ATP10B: variants seen among roughly 807,000 people sequenced by gnomAD.
ATP10B encodes phospholipid-transporting ATPase VB.
In ATP10B, 122 loss-of-function variants were observed where a neutral mutation model predicts 141.2. That is an observed-to-expected ratio of 0.86 (90% CI 0.75 to 1.00). ATP10B has a LOEUF of 1.00. ATP10B is among the 50% of genes least tolerant of loss of function. ATP10B has a pLI of 0.00. For synonymous variants in ATP10B, 685 were observed against 692.0 expected (o/e 0.99, Z 0.16); for missense variants, 1,876 against 1,825.3 (o/e 1.03, Z -0.51).
the ATP10B span, among the ~76,000 whole-genome samples, chr5:160,885,771 T>C: frequency 6.6e-6 from 1 of 152,190 alleles, no homozygotes; most frequent in Admixed American, 6.5e-5. Flanking sequence ...TCATAAGCTA[T>C]TGAAGAAAAT....
chr5:160,581,726 T>A (rs746545154), intron 24 of ATP10B, among the ~76,000 whole-genome samples: 3 of 152,232 alleles, frequency 2.0e-5, no homozygotes, highest in Non-Finnish European at 4.4e-5. Flanking sequence ...GTCTTGTTGA[T>A]CTGTCTACTA....
At chr5:160,864,575 G>A in the ATP10B span, among the ~76,000 whole-genome samples, 1 of 151,468 alleles carries the variant, frequency 6.6e-6, no homozygotes, top group Non-Finnish European at 1.5e-5. Context: ...TCTAGACAGA[G>A]CAATCAGACA....
chr5:160,612,373 G>C lies in ATP10B; in HGVS notation c.2838+368C>G, dbSNP rs181774545. The C allele has an allele frequency of 2.3e-3, 379 of 165,454 alleles. 1 individual carries two copies. Among genetic ancestry groups the C allele is most frequent in the Non-Finnish European group, 4.0e-3 (309 of 76,446 alleles). The allele number at this position is 165,454 out of a possible 1,614,324, so 10.2% of individuals were successfully genotyped here. Reference sequence around the variant, plus strand: ...TAGCACTAGCTCAGTTCTAGACTTAGTTCTACCTATCAGAAATAAGCAGGG... The same window carrying C: ...TAGCACTAGCTCAGTTCTAGACTTACTTCTACCTATCAGAAATAAGCAGGG... On this transcript the variant is annotated intron_variant, in intron 18 of 25. Transcript: ENST00000327245.
Position 160,665,884 on chromosome 5 carries a change from G to A in ATP10B, c.675+4579C>T, listed in dbSNP as rs555465857. On this transcript the variant is annotated intron_variant, in intron 7 of 25. Transcript: ENST00000327245. ...CAAAGACAGTAGGGACTTAGAGGGA[G>A]AATAAACTATCAAGAGCCATTAATA... Among the ~76,000 whole-genome samples the A allele has an allele frequency of 2.5e-3, 373 of 152,214 alleles. 1 individual carries two copies. Among genetic ancestry groups the A allele is most frequent in the African/African-American group, 8.7e-3 (362 of 41,528 alleles).
chr5:160,585,665 T>A (rs548812382), intron 24 of ATP10B, among the ~76,000 whole-genome samples: 1 of 152,296 alleles, frequency 6.6e-6, no homozygotes, highest in Admixed American at 6.5e-5. Flanking sequence ...ATCTTTTCTT[T>A]AGATTTCTTT....
chr5:160,569,965 C>T (rs190328619), intron 24 of ATP10B, among the ~76,000 whole-genome samples: 151 of 152,244 alleles, frequency 9.9e-4, no homozygotes, highest in Non-Finnish European at 1.8e-3. Context: ...TCTAGGTTTT[C>T]CAACATAGCC....
At chr5:160,594,233 T>G (rs1756523349) in intron 22 of ATP10B, among the ~76,000 whole-genome samples, 1 of 152,178 alleles carries the variant, frequency 6.6e-6, no homozygotes, top group African/African-American at 2.4e-5. Flanking sequence ...GGGCCAATAT[T>G]CAACATTCTT....
intron 2 of ATP10B, among the ~76,000 whole-genome samples, chr5:160,768,394 C>T (rs1769640698): frequency 6.6e-6 from 1 of 152,088 alleles, no homozygotes; most frequent in African/African-American, 2.4e-5. Flanking sequence ...GTCCAAAATC[C>T]ATGCTGTTAA....
At chr5:160,595,459 C>A (rs984705358) in intron 22 of ATP10B, among the ~76,000 whole-genome samples, 32 of 151,588 alleles carry the variant, frequency 2.1e-4, no homozygotes, top group Admixed American at 4.0e-4. Context: ...AAAATTGACA[C>A]CCTAACATCA....
chr5:160,774,686 G>C (rs944738894), intron 2 of ATP10B, among the ~76,000 whole-genome samples: 2 of 152,166 alleles, frequency 1.3e-5, no homozygotes, highest in African/African-American at 2.4e-5. Context: ...TTAATTTCAG[G>C]TTGGGAACAA....
intron 1 of ATP10B, among the ~76,000 whole-genome samples, chr5:160,812,020 CAG>C (rs34793101): frequency 0.12 from 12,926 of 111,134 alleles, 589 homozygotes; most frequent in East Asian, 0.15. Context: ...GAGACAGAGA[CAG>C]AGAGAGAGAG....
chr5:160,700,772 T>C (rs113567492), intron 3 of ATP10B, among the ~76,000 whole-genome samples: 7 of 152,260 alleles, frequency 4.6e-5, no homozygotes, highest in African/African-American at 1.7e-4. Context: ...GGGAGGAATT[T>C]CAAGAAAGAT....
intron 15 of ATP10B, 89 bp downstream of exon 15, chr5:160,620,258 C>G (rs6862674): frequency 0.8 from 1,200,110 of 1,498,370 alleles, 481,845 homozygotes; most frequent in Middle Eastern, 0.86. Flanking sequence ...CCAGGTGACA[C>G]TACAACTTGA....
At chr5:160,834,308 T>A (rs1775286249) in intron 1 of ATP10B, among the ~76,000 whole-genome samples, 1 of 151,778 alleles carries the variant, frequency 6.6e-6, no homozygotes, top group Admixed American at 6.6e-5. Flanking sequence ...CTGGGAGACA[T>A]AGCAAGACCC....
chr5:160,787,533 G>A (rs1201758697), intron 1 of ATP10B, among the ~76,000 whole-genome samples: 1 of 152,198 alleles, frequency 6.6e-6, no homozygotes, highest in Non-Finnish European at 1.5e-5. Flanking sequence ...AAATGGCACT[G>A]CTGTGAGACT....
Position 160,822,395 on chromosome 5 carries a change from C to T in ATP10B, c.-576+29546G>A, listed in dbSNP as rs147142322. Among the ~76,000 whole-genome samples the T allele has an allele frequency of 7.1e-3, 1,073 of 152,068 alleles. 3 individuals are homozygous for T. The highest frequency in any genetic ancestry group is 0.027 in the Middle Eastern group (8 of 294). ...GGCAAGGATATGAAGAAAAGGGAACCCTTGTACGCTGTTAGTGGGAATGTA... is the reference window on the plus strand; with the variant it reads ...GGCAAGGATATGAAGAAAAGGGAACTCTTGTACGCTGTTAGTGGGAATGTA... On this transcript the variant is annotated intron_variant, in intron 1 of 25. Transcript: ENST00000327245.
chr5:160,889,612 G>A, the ATP10B span, among the ~76,000 whole-genome samples: 1 of 152,174 alleles, frequency 6.6e-6, no homozygotes, highest in African/African-American at 2.4e-5. Flanking sequence ...ACATCAGTGG[G>A]CACAAAGAAT....
the ATP10B span, among the ~76,000 whole-genome samples, chr5:160,877,989 A>G: frequency 1.3e-5 from 2 of 152,028 alleles, no homozygotes; most frequent in Non-Finnish European, 2.9e-5. Flanking sequence ...TGCCATCCCC[A>G]TCAAGCTACC....
chr5:160,882,521 A>G, the ATP10B span, among the ~76,000 whole-genome samples: 1 of 152,068 alleles, frequency 6.6e-6, no homozygotes. Flanking sequence ...GCCTCAAGTG[A>G]TCCTTCTGCC....
Sources: gnomAD v4.1 joint callset for allele counts (sites outside exome capture counted in the v4.1 genomes callset) on GRCh38, gnomAD v4.1.1 for gene constraint, MANE v1.5 for transcripts, NCBI Gene and HGNC (gene_info 2026-07-23, HGNC 2026-07-21) for gene names.